PLCH2: variants seen among roughly 807,000 people sequenced by gnomAD.
PLCH2 encodes 1-phosphatidylinositol 4,5-bisphosphate phosphodiesterase eta-2.
In PLCH2, 98 loss-of-function variants were observed where a neutral mutation model predicts 134.7. The observed-to-expected ratio is 0.73, with a 90% CI of 0.62 to 0.86. The LOEUF is 0.86. Ranked by LOEUF, PLCH2 falls within the 40% of genes least tolerant of loss-of-function variation. The probability of loss-of-function intolerance (pLI) is 0.00; values close to 1 mark genes in which losing one functional copy is unlikely to be tolerated. For missense variants in PLCH2, 1,994 were observed against 1,986.6 expected, an observed-to-expected ratio of 1.00 and a Z score of -0.07; for synonymous variants, 974 against 827.5, an observed-to-expected ratio of 1.18 and a Z score of -3.04.
At chr1:2,432,784 G>A (rs970008483) in intron 2 of PLCH2, among the ~76,000 whole-genome samples, 9 of 152,318 alleles carry the variant, frequency 5.9e-5, no homozygotes, top group African/African-American at 2.2e-4. Flanking sequence ...GACGGACACC[G>A]CCGCCCTCCC....
At chr1:2,502,835 C>T in intron 21 of PLCH2, 4 of 717,192 alleles carry the variant, frequency 5.6e-6, no homozygotes, top group Non-Finnish European at 1.0e-5. Context: ...ACCGGGGGCC[C>T]TGCAGGGAGA....
intron 5 of PLCH2, among the ~76,000 whole-genome samples, chr1:2,485,431 G>C (rs752382012): frequency 9.2e-5 from 14 of 152,216 alleles, no homozygotes; most frequent in South Asian, 2.1e-4. Flanking sequence ...CAGCCTCGTA[G>C]GAGTGCAGGT....
At chr1:2,434,412 A>C (rs1377981134) in intron 2 of PLCH2, among the ~76,000 whole-genome samples, 1 of 152,134 alleles carries the variant, frequency 6.6e-6, no homozygotes, top group East Asian at 1.9e-4. Flanking sequence ...GCAGGGGCGT[A>C]TTTCCCCCAC....
intron 2 of PLCH2, among the ~76,000 whole-genome samples, chr1:2,431,132 C>CTGCGTG (rs747344737): frequency 3.7e-4 from 57 of 152,256 alleles, no homozygotes; most frequent in Non-Finnish European, 5.4e-4. Flanking sequence ...GCTGGCTGCC[C>CTGCGTG]TGCGTGTGCG....
chr1:2,422,577 C>T (rs34574702), upstream of PLCH2, among the ~76,000 whole-genome samples: 21,287 of 152,180 alleles, frequency 0.14, 1,652 homozygotes, highest in Admixed American at 0.2. Flanking sequence ...CAGGTTGTTG[C>T]GATAACAGAA....
intron 2 of PLCH2, among the ~76,000 whole-genome samples, chr1:2,447,940 C>G (rs925977820): frequency 6.6e-6 from 1 of 152,212 alleles, no homozygotes; most frequent in African/African-American, 2.4e-5. Flanking sequence ...TCGGCCCCTG[C>G]TTATCCCTCC....
chr1:2,428,988 C>T (rs1019344153), intron 1 of PLCH2, among the ~76,000 whole-genome samples: 7 of 152,110 alleles, frequency 4.6e-5, no homozygotes. Context: ...CTGCCATCTT[C>T]TGGGGCCAGG....
chr1:2,484,475 A>T lies in PLCH2; in HGVS notation c.673A>T (p.Thr225Ser). The stretch of plus-strand genomic sequence containing the variant: ...AGCGGACACGGATGACCACCAAGGG[A>T]CGCTGGGTTTTGAAGAGTTCTGTGC... ...READTDDHQGTLGFEEFCAFY... is the reference protein window; with the variant it reads ...READTDDHQGSLGFEEFCAFY... Residue 225 changes from threonine (T) to serine (S), a missense_variant, in exon 5 of 22, where the codon ACG (threonine) becomes TCG (serine). Thr to Ser is a moderately conservative substitution (Grantham distance 58). Around this residue, in one of 2 missense-constraint regions of PLCH2, gnomAD observed 1,094 missense variants for 1,234.3 expected, o/e 0.89. Transcript: ENST00000378486. The T allele has an allele frequency of 6.2e-7, 1 of 1,613,098 alleles. No individual in the cohort carries two copies. The highest frequency in any genetic ancestry group is 2.2e-5 in the East Asian group (1 of 44,882).
At chr1:2,446,795 G>A (rs1639966594) in intron 2 of PLCH2, among the ~76,000 whole-genome samples, 2 of 152,214 alleles carry the variant, frequency 1.3e-5, no homozygotes, top group African/African-American at 4.8e-5. Flanking sequence ...AGAGGGGTCA[G>A]AGCCGGCAGG....
upstream of PLCH2, among the ~76,000 whole-genome samples, chr1:2,473,269 G>A (rs1274540024): frequency 6.6e-6 from 1 of 152,186 alleles, no homozygotes; most frequent in Non-Finnish European, 1.5e-5. Context: ...GCAGGCCCAG[G>A]ACCCCTGCTT....
intron 13 of PLCH2, among the ~76,000 whole-genome samples, chr1:2,496,123 G>A (rs1451716657): frequency 6.6e-6 from 1 of 150,930 alleles, no homozygotes; most frequent in African/African-American, 2.4e-5. Context: ...TGGTTCCTCC[G>A]TGCCCCTCGC....
At chr1:2,472,740 AG>A (rs1641388010), upstream of PLCH2, among the ~76,000 whole-genome samples, 1 of 151,928 alleles carries the variant, frequency 6.6e-6, no homozygotes, top group Non-Finnish European at 1.5e-5. Flanking sequence ...TCGGGAGAGG[AG>A]GGGGCTTAGA....
At chr1:2,503,034 C>A in intron 21 of PLCH2, 1 of 713,122 alleles carries the variant, frequency 1.4e-6, no homozygotes, top group Non-Finnish European at 2.6e-6. Context: ...GCTCTGTATC[C>A]GTGGCACTGT....
upstream of PLCH2, among the ~76,000 whole-genome samples, chr1:2,472,813 C>T (rs78473998): frequency 3.5e-4 from 54 of 152,258 alleles, no homozygotes; most frequent in East Asian, 4.8e-3. Flanking sequence ...GTCCCGTACA[C>T]GCTCGTGAAG....
the PLCH2 span, among the ~76,000 whole-genome samples, chr1:2,417,403 G>T: frequency 7.4e-6 from 1 of 135,966 alleles, no homozygotes; most frequent in African/African-American, 2.6e-5. Flanking sequence ...GGGCACTAAG[G>T]GTGGGCCCTG....
At chr1:2,454,455 GGT>G (rs1445583921) in intron 2 of PLCH2, among the ~76,000 whole-genome samples, 3 of 152,218 alleles carry the variant, frequency 2.0e-5, no homozygotes, top group African/African-American at 7.2e-5. Flanking sequence ...GATGTGGTGT[GGT>G]CCCCTCCGGG....
Position 2,503,450 on chromosome 1 carries a change from C to G in PLCH2, c.2960-472C>G. Reference sequence around the variant, plus strand: ...TGCTGAGTGCTGCGTGGAGTAGATTCCCTGGGCCCCAGGGCTTCGCTGCTT... The same window carrying G: ...TGCTGAGTGCTGCGTGGAGTAGATTGCCTGGGCCCCAGGGCTTCGCTGCTT... On this transcript the variant is annotated intron_variant, in intron 21 of 21. Coordinates refer to ENST00000378486, the MANE Select transcript of PLCH2 (RefSeq NM_014638.4). The G allele has an allele frequency of 1.2e-5, 7 of 602,428 alleles. No individual in the cohort carries two copies. The South Asian group carries it at 1.4e-4, about 12-fold the overall frequency. 37.3% of individuals were successfully genotyped at this position (602,428 alleles called of 1,614,324 possible). A position where few individuals can be genotyped will look rare whatever the true frequency, so the allele number is the denominator to read the frequency against.
At chr1:2,476,770 T>G in intron 1 of PLCH2, 58 bp downstream of exon 1, 3 of 1,514,600 alleles carry the variant, frequency 2.0e-6, no homozygotes, top group South Asian at 1.3e-5. Context: ...AGGTGACTGG[T>G]GGGTGGGGGC....
In PLCH2 at chr1:2,478,585, C is replaced by T; in HGVS notation, c.234C>T (p.Ile78=). 1 of 1,612,000 alleles carries T rather than the reference C, an allele frequency of 6.2e-7. No individual in the cohort carries two copies. Among genetic ancestry groups the T allele is most frequent in the Non-Finnish European group, 8.5e-7 (1 of 1,179,470 alleles). ...ACCTGGACGAGCACCGCTCCTGCAT[C>T]CGCTGGAGGCCCTCACGCAAGAACG... The part of the protein sequence containing the change: ...FYYLDEHRSC[I]RWRPSRKNEK... The change falls in exon 2 of 22, where the codon ATC becomes ATT. Residue 78 remains isoleucine, a synonymous_variant. Transcript: ENST00000378486.
Sources: allele counts gnomAD v4.1 joint callset (sites outside exome capture counted in the v4.1 genomes callset), GRCh38; gene constraint gnomAD v4.1.1; regional missense constraint gnomAD v4.1.1; transcripts MANE v1.5; gene names NCBI Gene and HGNC (gene_info 2026-07-23, HGNC 2026-07-21).